TASP1: variants seen among roughly 807,000 people sequenced by gnomAD.
The protein encoded by TASP1 is taspase 1.
Under a neutral mutation model 56.6 loss-of-function variants are expected in TASP1, and 16 were observed. The ratio of observed to expected loss-of-function variants is 0.28; its 90% confidence interval spans 0.19 to 0.43. TASP1 has a LOEUF of 0.43. TASP1 is among the 20% of genes least tolerant of loss of function. The pLI is 1.00. For synonymous variants in TASP1, 179 were observed against 184.2 expected (o/e 0.97, Z 0.23); for missense variants, 393 against 511.6 (o/e 0.77, Z 2.24).
chr20:13,206,048 C>G, the TASP1 span, among the ~76,000 whole-genome samples: 3 of 152,184 alleles, frequency 2.0e-5, no homozygotes, highest in Non-Finnish European at 4.4e-5. Context: ...CACCCTCAGG[C>G]AGAGTTACAA....
chr20:13,544,988 T>G (rs1185882266), intron 8 of TASP1, among the ~76,000 whole-genome samples: 1 of 152,136 alleles, frequency 6.6e-6, no homozygotes, highest in Non-Finnish European at 1.5e-5. Context: ...AGAAAAATAT[T>G]TAATGTTGAC....
At chr20:13,325,496 G>A in the TASP1 span, among the ~76,000 whole-genome samples, 8 of 149,430 alleles carry the variant, frequency 5.4e-5, no homozygotes, top group African/African-American at 1.9e-4. Flanking sequence ...TCTGCTACAG[G>A]AAAGGTGATA....
At chr20:13,155,938 A>G in the TASP1 span, among the ~76,000 whole-genome samples, 1 of 152,332 alleles carries the variant, frequency 6.6e-6, no homozygotes, top group East Asian at 1.9e-4. Context: ...TGAGGACATA[A>G]TGTGCTACAG....
chr20:13,511,911 C>T (rs1330374848), intron 10 of TASP1, among the ~76,000 whole-genome samples: 1 of 151,984 alleles, frequency 6.6e-6, no homozygotes, highest in African/African-American at 2.4e-5. Flanking sequence ...CAGCTTCATC[C>T]ATGTCCCTAC....
the TASP1 span, among the ~76,000 whole-genome samples, chr20:13,133,842 T>C: frequency 6.6e-6 from 1 of 152,190 alleles, no homozygotes; most frequent in Non-Finnish European, 1.5e-5. Flanking sequence ...ATGTAGTTCA[T>C]GTAGCATTTT....
At chr20:13,597,722 G>C (rs2047793884) in intron 4 of TASP1, among the ~76,000 whole-genome samples, 1 of 152,100 alleles carries the variant, frequency 6.6e-6, no homozygotes, top group African/African-American at 2.4e-5. Context: ...TATTCAATTA[G>C]GAAAAGAAGA....
intron 12 of TASP1, among the ~76,000 whole-genome samples, chr20:13,421,080 G>C (rs1241618285): frequency 6.8e-6 from 1 of 146,330 alleles, no homozygotes; most frequent in Non-Finnish European, 1.5e-5. Flanking sequence ...TATTTGACTA[G>C]TTAAAAAGTA....
At chr20:13,632,540 A>G (rs1320159037) in intron 1 of TASP1, among the ~76,000 whole-genome samples, 1 of 152,190 alleles carries the variant, frequency 6.6e-6, no homozygotes, top group Non-Finnish European at 1.5e-5. Flanking sequence ...TTAATATTCC[A>G]TTTCTTGAGC....
intron 10 of TASP1, among the ~76,000 whole-genome samples, chr20:13,492,738 T>C (rs781517347): frequency 5.9e-5 from 9 of 152,222 alleles, no homozygotes; most frequent in Admixed American, 2.0e-4. Context: ...TGGTTATTTA[T>C]TGTAATGTAT....
At chr20:13,586,767 T>C (rs986123306) in intron 5 of TASP1, among the ~76,000 whole-genome samples, 21 of 152,238 alleles carry the variant, frequency 1.4e-4, no homozygotes, top group African/African-American at 5.1e-4. Context: ...TATTTAAATC[T>C]AAAAAGTTTA....
rs1351811570 is a variant in TASP1 at position 13,390,471 on chromosome 20, A to G, written c.1171-19T>C. 2 of 1,608,898 alleles carry G rather than the reference A, an allele frequency of 1.2e-6. No individual in the cohort carries two copies. Among genetic ancestry groups the G allele is most frequent in the Admixed American group, 3.3e-5 (2 of 59,940 alleles). ...TGTGAGTCTGCAGAGAGAGAGAGAC[A>G]GCAGAGCATCAGAGGGGTCAGCGGT... is the stretch of plus-strand genomic sequence containing the variant. On this transcript the variant is annotated intron_variant, in intron 13 of 13. Transcript: ENST00000337743.
intron 11 of TASP1, among the ~76,000 whole-genome samples, chr20:13,471,077 C>A (rs1455454167): frequency 2.0e-5 from 3 of 152,108 alleles, no homozygotes; most frequent in Non-Finnish European, 2.9e-5. Context: ...AGTTTATGCC[C>A]TGCTTAAGGG....
chr20:13,192,507 G>A, the TASP1 span, among the ~76,000 whole-genome samples: 7 of 152,076 alleles, frequency 4.6e-5, no homozygotes, highest in Middle Eastern at 3.4e-3. Flanking sequence ...TGCACTCTAC[G>A]TTGGGCAACA....
intron 4 of TASP1, among the ~76,000 whole-genome samples, chr20:13,601,817 G>A (rs562018625): frequency 1.1e-3 from 155 of 147,598 alleles, no homozygotes; most frequent in African/African-American, 3.7e-3. Flanking sequence ...CGTATGATGA[G>A]AATGACAATT....
At chr20:13,573,907 A>T (rs575445165) in intron 6 of TASP1, among the ~76,000 whole-genome samples, 2 of 152,210 alleles carry the variant, frequency 1.3e-5, no homozygotes, top group African/African-American at 4.8e-5. Context: ...ACAGCACAGC[A>T]GCTCCAGCAA....
chr20:13,360,145 C>T, the TASP1 span, among the ~76,000 whole-genome samples: 2 of 152,016 alleles, frequency 1.3e-5, no homozygotes, highest in Non-Finnish European at 2.9e-5. Flanking sequence ...AACCCATATA[C>T]TCTCCTATCC....
intron 11 of TASP1, among the ~76,000 whole-genome samples, chr20:13,457,574 TCA>T (rs769668981): frequency 2.0e-5 from 3 of 152,110 alleles, no homozygotes; most frequent in Non-Finnish European, 2.9e-5. Flanking sequence ...ATAGATAAAC[TCA>T]CAACTTTTTA....
intron 13 of TASP1, among the ~76,000 whole-genome samples, chr20:13,398,309 G>A (rs1015950131): frequency 9.2e-5 from 14 of 151,886 alleles, no homozygotes; most frequent in African/African-American, 3.1e-4. Context: ...GTTAAGGCAC[G>A]GAGACCCAGA....
chr20:13,193,840 T>G, the TASP1 span, among the ~76,000 whole-genome samples: 1 of 152,224 alleles, frequency 6.6e-6, no homozygotes, highest in African/African-American at 2.4e-5. Flanking sequence ...AGCGGCATGC[T>G]AATAGTATCT....
Sources: gnomAD v4.1 joint callset for allele counts (sites outside exome capture counted in the v4.1 genomes callset) on GRCh38, gnomAD v4.1.1 for gene constraint, MANE v1.5 for transcripts, NCBI Gene and HGNC (gene_info 2026-07-23, HGNC 2026-07-21) for gene names.